Variants in SKI observed in about 807,000 individuals in gnomAD.
SKI encodes ski oncogene.
In SKI, 23 loss-of-function variants were observed where a neutral mutation model predicts 59.3. That is an observed-to-expected ratio of 0.39 (90% CI 0.28 to 0.55). SKI has a LOEUF of 0.55. SKI is among the 20% of genes least tolerant of loss of function. The pLI, the probability that SKI is intolerant of heterozygous loss-of-function variation, is 0.67. For synonymous variants in SKI, 673 were observed against 488.6 expected (o/e 1.38, Z -4.98); for missense variants, 1,017 against 1,038.9 (o/e 0.98, Z 0.29).
At chr1:2,289,331 G>C (rs1466835773) in intron 1 of SKI, among the ~76,000 whole-genome samples, 1 of 152,188 alleles carries the variant, frequency 6.6e-6, no homozygotes, top group African/African-American at 2.4e-5. Context: ...GAGGGTGGCA[G>C]GCGGCCAGAT....
intron 1 of SKI, among the ~76,000 whole-genome samples, chr1:2,262,602 A>G (rs1271827226): frequency 6.6e-6 from 1 of 152,172 alleles, no homozygotes; most frequent in Non-Finnish European, 1.5e-5. Flanking sequence ...CCTGATCTGG[A>G]TTTGGCACCG....
At chr1:2,273,760 C>T (rs1569782269) in intron 1 of SKI, among the ~76,000 whole-genome samples, 1 of 152,216 alleles carries the variant, frequency 6.6e-6, no homozygotes, top group East Asian at 1.9e-4. Context: ...CGAAGATGCC[C>T]CGTGGGCAGC....
chr1:2,300,164 T>G (rs1294258930), intron 1 of SKI, among the ~76,000 whole-genome samples: 4 of 152,214 alleles, frequency 2.6e-5, no homozygotes, highest in Admixed American at 6.5e-5. Context: ...GTAGCTTGCC[T>G]GGTCATCCTC....
chr1:2,280,437 T>C (rs936678359), intron 1 of SKI, among the ~76,000 whole-genome samples: 13 of 151,772 alleles, frequency 8.6e-5, no homozygotes, highest in Non-Finnish European at 1.5e-4. Context: ...TCTACCCTCG[T>C]TGGGGAAGGC....
chr1:2,290,444 GC>G (rs1640136398), intron 1 of SKI, among the ~76,000 whole-genome samples: 2 of 152,218 alleles, frequency 1.3e-5, no homozygotes, highest in Admixed American at 6.5e-5. Context: ...GCTGTTTGGT[GC>G]TGCACGTGTT....
chr1:2,291,174 ATTC>A (rs1453229155), intron 1 of SKI, among the ~76,000 whole-genome samples: 1 of 152,142 alleles, frequency 6.6e-6, no homozygotes, highest in Non-Finnish European at 1.5e-5. Context: ...GAGTCTGTTT[ATTC>A]TTTTAAGCTA....
At chr1:2,230,698 C>G (rs541159080) in intron 1 of SKI, among the ~76,000 whole-genome samples, 1 of 152,192 alleles carries the variant, frequency 6.6e-6, no homozygotes. Flanking sequence ...CGTTGCGTAC[C>G]TCCCCAAGTA....
chr1:2,289,334 G>A (rs977156988), intron 1 of SKI, among the ~76,000 whole-genome samples: 22 of 152,230 alleles, frequency 1.4e-4, no homozygotes, highest in Admixed American at 2.6e-4. Flanking sequence ...GGTGGCAGGC[G>A]GCCAGATGCC....
chr1:2,298,255 G>C (rs1023109854), intron 1 of SKI, among the ~76,000 whole-genome samples: 4 of 152,218 alleles, frequency 2.6e-5, no homozygotes, highest in Non-Finnish European at 4.4e-5. Context: ...GGGTCCCGGG[G>C]TGACTGAGGC....
At chr1:2,306,315 G>A (rs1640576498) in intron 6 of SKI, 65 bp downstream of exon 6, 14 of 1,394,922 alleles carry the variant, frequency 1.0e-5, no homozygotes, top group Non-Finnish European at 1.4e-5. Flanking sequence ...GGCCCCGGTG[G>A]CCAGTCCTGC....
rs564431372 is a variant in SKI at position 2,248,296 on chromosome 1, G to A, written c.969+18561G>A. Among the ~76,000 whole-genome samples the A allele has an allele frequency of 2.6e-5, 4 of 152,170 alleles. No individual in the cohort carries two copies. The South Asian group carries it at 6.2e-4, about 24-fold the overall frequency. Reference sequence around the variant, plus strand: ...CTCAGCCTGGCTGGCAGCCATTTCCGTTACTTGGTTTCCAAAGGCCCCATC... The same window carrying A: ...CTCAGCCTGGCTGGCAGCCATTTCCATTACTTGGTTTCCAAAGGCCCCATC... On this transcript the variant is annotated intron_variant, in intron 1 of 6. Coordinates refer to ENST00000378536, the MANE Select transcript of SKI (RefSeq NM_003036.4).
At chr1:2,238,866 C>T (rs543061966) in intron 1 of SKI, among the ~76,000 whole-genome samples, 25 of 152,228 alleles carry the variant, frequency 1.6e-4, no homozygotes, top group Non-Finnish European at 3.4e-4. Context: ...CCCAGGCTGC[C>T]TTCTGGGTTA....
rs1202073334 is a variant in SKI at position 2,228,781 on chromosome 1, A to G, written c.15A>G (p.Ala5=). 2.3e-6 allele frequency: 3 copies of G among 1,289,830 alleles called. No homozygotes were observed. Among genetic ancestry groups the G allele is most frequent in the Non-Finnish European group, 3.0e-6 (3 of 1,004,500 alleles). The allele number at this position is 1,289,830 out of a possible 1,614,324, so 79.9% of individuals were successfully genotyped here. Residue 5 remains alanine (A), a synonymous_variant, in exon 1 of 7, where the codon GCA becomes GCG. Transcript: ENST00000378536. MEAA[A]GGRGCFQPHP... Reference sequence around the variant, plus strand: ...CGGAGCGCACCATGGAGGCGGCGGCAGGCGGCCGCGGCTGTTTCCAGCCGC... The same window carrying G: ...CGGAGCGCACCATGGAGGCGGCGGCGGGCGGCCGCGGCTGTTTCCAGCCGC...
In SKI at chr1:2,270,424, G is replaced by A. The variant is rs1031928157; in HGVS notation, c.970-32554G>A. 1.3e-5 allele frequency among the ~76,000 whole-genome samples: 2 copies of A among 152,356 alleles called. No homozygotes were observed. The highest frequency in any genetic ancestry group is 4.1e-4 in the South Asian group (2 of 4,830). ...CCCTGCGTTGGTCCCTCACAGGCCA[G>A]GGGGTGTGGCCACAGGGCCTGGGCT... On this transcript the variant is annotated intron_variant, in intron 1 of 6. Coordinates refer to ENST00000378536, the MANE Select transcript of SKI (RefSeq NM_003036.4). This position sits in a 1 kb window ranked among gnomAD's most constrained non-coding sequence, Gnocchi z 4.1.
intron 1 of SKI, among the ~76,000 whole-genome samples, chr1:2,280,605 A>C (rs1173106757): frequency 3.2e-4 from 45 of 142,012 alleles, no homozygotes; most frequent in East Asian, 6.2e-4. Flanking sequence ...CTTCAGAGAG[A>C]AGATGCCCGA....
chr1:2,305,309 G>A (rs1217687604), intron 5 of SKI, among the ~76,000 whole-genome samples: 1 of 152,200 alleles, frequency 6.6e-6, no homozygotes, highest in African/African-American at 2.4e-5. Context: ...CAGGCGGCCC[G>A]TTGTTCACCG....
chr1:2,283,302 C>T (rs1485588398), intron 1 of SKI, among the ~76,000 whole-genome samples: 1 of 152,230 alleles, frequency 6.6e-6, no homozygotes, highest in African/African-American at 2.4e-5. Flanking sequence ...TTGTTGCTGG[C>T]CCAGGGCCTG....
chr1:2,263,313 C>T (rs1196453539), intron 1 of SKI, among the ~76,000 whole-genome samples: 1 of 148,564 alleles, frequency 6.7e-6, no homozygotes, highest in East Asian at 2.0e-4. Flanking sequence ...TCTTGGCTTG[C>T]TGGAACCTCC....
intron 1 of SKI, among the ~76,000 whole-genome samples, chr1:2,250,310 G>T (rs538544933): frequency 1.3e-5 from 2 of 152,164 alleles, no homozygotes; most frequent in African/African-American, 4.8e-5. Context: ...CCCTCGTGCC[G>T]CTCTCTGGCC....
Sources: allele counts gnomAD v4.1 joint callset (sites outside exome capture counted in the v4.1 genomes callset), GRCh38; gene constraint gnomAD v4.1.1; non-coding constraint Gnocchi (gnomAD v3.1); transcripts MANE v1.5; gene names NCBI Gene and HGNC (gene_info 2026-07-23, HGNC 2026-07-21).